ARHGAP24: variants seen among roughly 807,000 people sequenced by gnomAD.
The protein encoded by ARHGAP24 is Rho GTPase activating protein 24.
In ARHGAP24, 50 loss-of-function variants were observed where a neutral mutation model predicts 76.4. The observed-to-expected ratio is 0.65, with a 90% confidence interval of 0.52 to 0.83. The LOEUF is 0.83. Ranked by LOEUF, ARHGAP24 falls within the 40% of genes least tolerant of loss-of-function variation. ARHGAP24 has a pLI of 0.00. For missense variants in ARHGAP24, 930 were observed against 914.2 expected (o/e 1.02, Z -0.22); for synonymous variants, 345 against 323.3 (o/e 1.07, Z -0.72).
At chr4:85,481,823 G>C (rs1292440177) in intron 1 of ARHGAP24, among the ~76,000 whole-genome samples, 1 of 152,190 alleles carries the variant, frequency 6.6e-6, no homozygotes, top group Non-Finnish European at 1.5e-5. Flanking sequence ...TTTCTTTGGG[G>C]AGATAGCAAC....
chr4:85,754,706 G>A (rs1033623489), intron 3 of ARHGAP24, among the ~76,000 whole-genome samples: 3 of 152,166 alleles, frequency 2.0e-5, no homozygotes, highest in African/African-American at 7.2e-5. Flanking sequence ...AATTTATAAA[G>A]ACCAGGAAGA....
chr4:85,747,628 G>A (rs112325273), intron 3 of ARHGAP24, among the ~76,000 whole-genome samples: 2 of 152,120 alleles, frequency 1.3e-5, no homozygotes, highest in Non-Finnish European at 2.9e-5. Flanking sequence ...GCGTGAACCC[G>A]GGAAGCGGAG....
intron 2 of ARHGAP24, among the ~76,000 whole-genome samples, chr4:85,673,151 GTGCTAC>G (rs1722865727): frequency 1.3e-5 from 2 of 152,274 alleles, no homozygotes; most frequent in East Asian, 3.9e-4. Flanking sequence ...TATAGCAGCT[GTGCTAC>G]CCTGTTGCCC....
At chr4:85,597,336 G>C (rs1464417311) in intron 2 of ARHGAP24, among the ~76,000 whole-genome samples, 2 of 152,046 alleles carry the variant, frequency 1.3e-5, no homozygotes, top group Non-Finnish European at 2.9e-5. Flanking sequence ...CCTTTCCACT[G>C]TGTCTAAGGG....
chr4:85,608,598 G>A (rs7657112), intron 2 of ARHGAP24, among the ~76,000 whole-genome samples: 3,189 of 116,126 alleles, frequency 0.027, 123 homozygotes, highest in African/African-American at 0.095. Flanking sequence ...TTGCTCTGTC[G>A]CCAGGCTGGA....
In ARHGAP24 at chr4:85,930,089, C is replaced by T. The variant is rs184022526; in HGVS notation, c.391+6319C>T. On this transcript the variant is annotated intron_variant, in intron 4 of 9. Transcript: ENST00000395184. ...GTGACCGGCGGGCACTGGAAGCAGC[C>T]GCAGCCACAGCCTTGGTGAGGAGCA... Among the ~76,000 whole-genome samples the T allele has an allele frequency of 1.4e-3, 207 of 152,324 alleles. 2 individuals are homozygous for T. Among genetic ancestry groups the T allele is most frequent in the African/African-American group, 4.7e-3 (196 of 41,586 alleles).
chr4:85,973,311 G>A (rs936869436), intron 6 of ARHGAP24, among the ~76,000 whole-genome samples: 1 of 151,794 alleles, frequency 6.6e-6, no homozygotes, highest in African/African-American at 2.4e-5. Context: ...TGTGCTTATT[G>A]GATATTAGTA....
intron 1 of ARHGAP24, among the ~76,000 whole-genome samples, chr4:85,482,089 A>C (rs1462351489): frequency 6.6e-6 from 1 of 152,216 alleles, no homozygotes; most frequent in Non-Finnish European, 1.5e-5. Flanking sequence ...TATATGGAGA[A>C]GCTTCCAGCA....
At chr4:85,772,851 CTA>C (rs1314514258) in intron 3 of ARHGAP24, among the ~76,000 whole-genome samples, 11 of 152,178 alleles carry the variant, frequency 7.2e-5, no homozygotes, top group Admixed American at 5.9e-4. Context: ...GTCTTTGAGT[CTA>C]GTCACCCAAT....
intron 2 of ARHGAP24, among the ~76,000 whole-genome samples, chr4:85,655,834 G>GAC (rs1722148454): frequency 6.1e-5 from 7 of 115,438 alleles, no homozygotes; most frequent in African/African-American, 2.3e-4. Flanking sequence ...GAGAGAGAGA[G>GAC]AGAGAGAGAG....
chr4:85,994,992 T>C lies in ARHGAP24; in HGVS notation c.1338T>C (p.Leu446=). 1 of 1,613,950 alleles carries C rather than the reference T, an allele frequency of 6.2e-7. No homozygotes were observed. The highest frequency in any genetic ancestry group is 8.5e-7 in the Non-Finnish European group (1 of 1,179,972). Residue 446 remains leucine, a synonymous_variant, in exon 9 of 10, where the codon CTT becomes CTC. Transcript: ENST00000395184. The part of the protein sequence containing the change: ...GSFSSSNAEG[L]EKTQTTPNGS... ...TCAGCAGCAGTAATGCAGAAGGTCT[T>C]GAGAAAACCCAAACCACCCCCAATG...
At chr4:85,735,325 T>C in intron 3 of ARHGAP24, among the ~76,000 whole-genome samples, 1 of 152,234 alleles carries the variant, frequency 6.6e-6, no homozygotes, top group East Asian at 1.9e-4. Context: ...CGTGTTTTGC[T>C]TCTTTTTGCA....
At chr4:85,980,441 CATAATT>C (rs1181279450) in intron 8 of ARHGAP24, among the ~76,000 whole-genome samples, 1 of 152,166 alleles carries the variant, frequency 6.6e-6, no homozygotes, top group Non-Finnish European at 1.5e-5. Context: ...TAGAACATCT[CATAATT>C]AATCATTTGC....
intron 2 of ARHGAP24, among the ~76,000 whole-genome samples, chr4:85,650,462 T>C (rs1394773144): frequency 6.7e-6 from 1 of 149,490 alleles, no homozygotes; most frequent in East Asian, 1.9e-4. Context: ...TCTGAGCTTC[T>C]AGTTTTCTTT....
chr4:85,948,128 TTCTTATTACATC>T (rs575152556), intron 5 of ARHGAP24, among the ~76,000 whole-genome samples: 172 of 152,280 alleles, frequency 1.1e-3, no homozygotes, highest in Middle Eastern at 3.4e-3. Flanking sequence ...ACATCTCTTA[TTCTTATTACATC>T]TCTTATTACA....
intron 2 of ARHGAP24, among the ~76,000 whole-genome samples, chr4:85,577,787 A>G (rs1026196369): frequency 6.6e-6 from 1 of 152,216 alleles, no homozygotes; most frequent in South Asian, 2.1e-4. Context: ...TCAAAGGAAT[A>G]ATTTAACCTG....
intron 1 of ARHGAP24, among the ~76,000 whole-genome samples, chr4:85,560,078 G>A (rs1037722923): frequency 2.6e-5 from 4 of 152,018 alleles, no homozygotes; most frequent in Admixed American, 6.6e-5. Context: ...TCTGCCTTGG[G>A]CTTCACAAGC....
intron 1 of ARHGAP24, among the ~76,000 whole-genome samples, chr4:85,537,763 A>T (rs994904474): frequency 6.6e-6 from 1 of 152,282 alleles, no homozygotes; most frequent in Non-Finnish European, 1.5e-5. Flanking sequence ...ATTATTGCAG[A>T]TTGCCCCTAG....
At chr4:85,532,405 A>G (rs1725294365) in intron 1 of ARHGAP24, among the ~76,000 whole-genome samples, 1 of 152,156 alleles carries the variant, frequency 6.6e-6, no homozygotes, top group South Asian at 2.1e-4. Context: ...ACTCATAGTG[A>G]GAATTGTATA....
Sources: allele counts gnomAD v4.1 joint callset (sites outside exome capture counted in the v4.1 genomes callset), GRCh38; gene constraint gnomAD v4.1.1; transcripts MANE v1.5; gene names NCBI Gene and HGNC (gene_info 2026-07-23, HGNC 2026-07-21).